Variants in PRKCE observed in about 807,000 individuals in gnomAD.
PRKCE encodes protein kinase C epsilon, also known as protein kinase C epsilon type.
Under a neutral mutation model 85.4 loss-of-function variants are expected in PRKCE, and 16 were observed. That is an observed-to-expected ratio of 0.19 (90% CI 0.13 to 0.28). PRKCE has a LOEUF of 0.28. PRKCE is among the 10% of genes least tolerant of loss of function. PRKCE has a pLI of 1.00. For synonymous variants in PRKCE, 388 were observed against 371.5 expected (o/e 1.04, Z -0.51); for missense variants, 573 against 975.2 (o/e 0.59, Z 5.49).
At chr2:46,026,980 A>G (rs1192300610) in intron 10 of PRKCE, among the ~76,000 whole-genome samples, 2 of 152,132 alleles carry the variant, frequency 1.3e-5, no homozygotes, top group African/African-American at 4.8e-5. Context: ...GAGCCCTGGG[A>G]ACATAGTGAG....
At chr2:45,840,593 T>C (rs1027723291) in intron 1 of PRKCE, 1 of 152,232 alleles carries the variant, frequency 6.6e-6, no homozygotes, top group Admixed American at 6.5e-5. Flanking sequence ...AATGCAGGCC[T>C]GCTCGTGGCA....
At chr2:45,788,441 C>G (rs934438555) in intron 1 of PRKCE, among the ~76,000 whole-genome samples, 1 of 152,172 alleles carries the variant, frequency 6.6e-6, no homozygotes, top group Non-Finnish European at 1.5e-5. Context: ...AATCCTGACT[C>G]CAGTGTTTTT....
chr2:45,767,757 G>A (rs1685026781), intron 1 of PRKCE, among the ~76,000 whole-genome samples: 1 of 152,206 alleles, frequency 6.6e-6, no homozygotes, highest in South Asian at 2.1e-4. Context: ...CCATGTGTTG[G>A]ATTCCTTATT....
intron 10 of PRKCE, among the ~76,000 whole-genome samples, chr2:46,064,922 A>G (rs1422088736): frequency 6.6e-6 from 1 of 152,236 alleles, no homozygotes; most frequent in Non-Finnish European, 1.5e-5. Context: ...CATTGTTGCC[A>G]ACACCAAGCC....
chr2:46,014,243 A>G lies in PRKCE; in HGVS notation c.1437+3726A>G, dbSNP rs73926159. ...TTGGGATGCAAGAGTAACCTGAACC[A>G]TGTAGGGAATTCTACCAAACTTGAT... is the stretch of plus-strand genomic sequence containing the variant. On this transcript the variant is annotated intron_variant, in intron 10 of 14. Transcript: ENST00000306156. 5.1e-3 allele frequency among the ~76,000 whole-genome samples: 782 copies of G among 152,332 alleles called. 6 individuals are homozygous for G. Among genetic ancestry groups the G allele is most frequent in the African/African-American group, 0.017 (727 of 41,580 alleles).
intron 11 of PRKCE, among the ~76,000 whole-genome samples, chr2:46,099,233 C>A (rs1391535139): frequency 6.6e-6 from 1 of 152,120 alleles, no homozygotes; most frequent in Non-Finnish European, 1.5e-5. Context: ...TGCCCCTAAG[C>A]TTCCTCTCTG....
At chr2:45,857,502 T>C (rs192797244) in intron 2 of PRKCE, among the ~76,000 whole-genome samples, 101 of 152,390 alleles carry the variant, frequency 6.6e-4, no homozygotes, top group African/African-American at 1.9e-3. Flanking sequence ...TACTCTGAAG[T>C]AGATCTATCG....
chr2:46,161,791 G>A (rs551496611), intron 14 of PRKCE, among the ~76,000 whole-genome samples: 2 of 152,114 alleles, frequency 1.3e-5, no homozygotes, highest in South Asian at 4.1e-4. Flanking sequence ...CTGAGGTATA[G>A]CAGATTCCAG....
At position 45,980,285 on chromosome 2, in the gene PRKCE, G is replaced by T. The variant is rs369904942; in HGVS notation, c.608-11G>T. ...AGTGTCATTCAGCCTTCCTGTCTTT[G>T]CTATTTGCAGTCTGCACCTGCGTGG... is the stretch of plus-strand genomic sequence containing the variant. On this transcript the variant is annotated splice_polypyrimidine_tract_variant and intron_variant, in intron 4 of 14. Coordinates refer to ENST00000306156, the MANE Select transcript of PRKCE (RefSeq NM_005400.3). The T allele has an allele frequency of 6.3e-7, 1 of 1,599,274 alleles. No individual in the cohort carries two copies. Among genetic ancestry groups the T allele is most frequent in the East Asian group, 2.2e-5 (1 of 44,874 alleles).
intron 2 of PRKCE, among the ~76,000 whole-genome samples, chr2:45,850,406 A>G (rs1692153886): frequency 6.6e-6 from 1 of 152,216 alleles, no homozygotes; most frequent in South Asian, 2.1e-4. Context: ...TCTGTGTCCT[A>G]TAAAGAAGAT....
intron 1 of PRKCE, among the ~76,000 whole-genome samples, chr2:45,730,685 C>G (rs1482533887): frequency 6.6e-6 from 1 of 151,994 alleles, no homozygotes; most frequent in Non-Finnish European, 1.5e-5. Flanking sequence ...GTCTCAAACT[C>G]CTGGCCTTAA....
intron 2 of PRKCE, among the ~76,000 whole-genome samples, chr2:45,850,991 T>C (rs901251558): frequency 1.3e-5 from 2 of 152,224 alleles, no homozygotes; most frequent in African/African-American, 2.4e-5. Flanking sequence ...CCAGTAAGCA[T>C]CATCGTGTGC....
chr2:46,106,081 C>G (rs578153351), intron 11 of PRKCE, among the ~76,000 whole-genome samples: 6 of 152,160 alleles, frequency 3.9e-5, no homozygotes, highest in African/African-American at 1.4e-4. Context: ...TGTGGTTTGT[C>G]TGCAAGTTTT....
chr2:46,036,520 G>T (rs1046206807), intron 10 of PRKCE, among the ~76,000 whole-genome samples: 13 of 152,164 alleles, frequency 8.5e-5, no homozygotes, highest in African/African-American at 2.4e-4. Flanking sequence ...AGCCCAGGAG[G>T]TGGGGACTGC....
rs11417233 is a variant in PRKCE, at chr2:46,135,746, C to CTTTTTT, written c.1593-9325_1593-9320dup. Among the ~76,000 whole-genome samples the CTTTTTT allele has an allele frequency of 1.3e-3, 27 of 20,666 alleles. 8 individuals carry two copies. The highest frequency in any genetic ancestry group is 4.7e-3 in the African/African-American group (18 of 3,870). 13.6% of individuals were successfully genotyped at this position (20,666 alleles called of 152,430 possible). Reference sequence around the variant, plus strand: ...ACCTTGGGTTCAGAAACAAATTATGCTTTTTTTTTTTTTTTTTTTTTTTTT... The same window carrying CTTTTTT: ...ACCTTGGGTTCAGAAACAAATTATGCTTTTTTTTTTTTTTTTTTTTTTTTTTTTTTT... On this transcript the variant is annotated intron_variant, in intron 11 of 14. Transcript: ENST00000306156.
At chr2:45,673,334 A>G (rs1572901415) in intron 1 of PRKCE, among the ~76,000 whole-genome samples, 1 of 152,248 alleles carries the variant, frequency 6.6e-6, no homozygotes, top group Non-Finnish European at 1.5e-5. Context: ...TTGGAAAACC[A>G]TAGAGTAAAT....
intron 2 of PRKCE, among the ~76,000 whole-genome samples, chr2:45,893,747 C>A (rs373796818): frequency 1.3e-5 from 2 of 152,110 alleles, no homozygotes; most frequent in African/African-American, 4.8e-5. Flanking sequence ...ACTCATTGAT[C>A]CCCCTGCAAA....
At chr2:46,058,463 G>GA (rs1355147584) in intron 10 of PRKCE, among the ~76,000 whole-genome samples, 1 of 152,190 alleles carries the variant, frequency 6.6e-6, no homozygotes, top group African/African-American at 2.4e-5. Context: ...AACTAAAGAA[G>GA]AAAAAGGGTC....
At chr2:46,005,161 A>G (rs1229474131) in intron 8 of PRKCE, among the ~76,000 whole-genome samples, 1 of 152,214 alleles carries the variant, frequency 6.6e-6, no homozygotes, top group Non-Finnish European at 1.5e-5. Flanking sequence ...AGACTGAGAA[A>G]AGAAGTGGGA....
Sources: allele counts gnomAD v4.1 joint callset (sites outside exome capture counted in the v4.1 genomes callset), GRCh38; gene constraint gnomAD v4.1.1; transcripts MANE v1.5; gene names NCBI Gene and HGNC (gene_info 2026-07-23, HGNC 2026-07-21).